Variants in ZNF552 observed in about 807,000 individuals in gnomAD.
ZNF552 encodes the protein zinc finger protein 552.
ZNF552 carries 2 observed loss-of-function variants against 7.2 expected under a neutral mutation model. That is an observed-to-expected ratio of 0.28 (90% CI 0.11 to 0.88). The LOEUF (loss-of-function observed/expected upper bound fraction) is 0.88. ZNF552 is among the 40% of genes least tolerant of loss of function. The probability of loss-of-function intolerance (pLI) is 0.60; values close to 1 mark genes in which losing one functional copy is unlikely to be tolerated. For missense variants in ZNF552, 421 were observed against 493.4 expected (o/e 0.85, Z 1.39); for synonymous variants, 173 against 176.5 (o/e 0.98, Z 0.16).
chr19:57,813,117 G>C, intron 2 of ZNF552, 177 bp downstream of exon 2: 1 of 1,037,282 alleles, frequency 9.6e-7, no homozygotes, highest in Non-Finnish European at 1.3e-6. Flanking sequence ...CTCAATAGCA[G>C]GTGTTGGGGC....
intron 2 of ZNF552, among the ~76,000 whole-genome samples, chr19:57,812,612 A>G (rs887597294): frequency 2.6e-5 from 4 of 152,230 alleles, no homozygotes; most frequent in African/African-American, 9.6e-5. Flanking sequence ...TCTGTTGCTC[A>G]GGCTGGAGCG....
intron 2 of ZNF552, 57 bp from the exon 3 acceptor site, chr19:57,809,160 C>T: frequency 6.3e-7 from 1 of 1,589,192 alleles, no homozygotes; most frequent in Non-Finnish European, 8.6e-7. Context: ...AAGGCACAGA[C>T]CACCCACAAG....
rs1284461228 is a variant in ZNF552 at position 57,808,096 on chromosome 19, TA to T, written c.1167del (p.Phe389LeufsTer35). 1 of 1,613,998 alleles carries T rather than the reference TA, an allele frequency of 6.2e-7. No homozygotes were observed. The highest frequency in any genetic ancestry group is 1.3e-5 in the African/African-American group (1 of 74,912). On this transcript the variant is annotated frameshift_variant, in exon 3 of 3. Coordinates refer to ENST00000391701, the MANE Select transcript of ZNF552 (RefSeq NM_024762.3). LOFTEE classifies it low-confidence loss of function (END_TRUNC). ...TGATGACGAAGTGAAGAGATTTGCC[TA>T]AATTTTTTTTCACATTCACTGCACC... ...PYGCSECEKK[F>X]RQISSLRHHQ...
At position 57,814,739 on chromosome 19, in the gene ZNF552, G is replaced by A. The variant is rs1215806709; in HGVS notation, c.5C>T (p.Ala2Val). The A allele has an allele frequency of 6.2e-7, 1 of 1,613,944 alleles. No individual in the cohort carries two copies. The highest frequency in any genetic ancestry group is 1.7e-5 in the Admixed American group (1 of 60,000). The change falls in exon 1 of 3, where the codon GCG (alanine) becomes GTG (valine). Residue 2 changes from alanine to valine, a missense_variant. This residue lies in a region of ZNF552 where 122 missense variants were observed against 199.7 expected (regional missense o/e 0.61). Transcript: ENST00000391701. ...AACGGGGAACCTTAGCGCGGCCGCCGCCATGGGACCACGTGGGGTAAGCTG... is the reference window on the plus strand; with the variant it reads ...AACGGGGAACCTTAGCGCGGCCGCCACCATGGGACCACGTGGGGTAAGCTG... M[A>V]AAALRFPVQG...
rs1987769223 is a variant in ZNF552 at position 57,807,750 on chromosome 19, CAT to C, written c.*288_*289del. The C allele has an allele frequency of 3.0e-6, 1 of 331,440 alleles. No homozygotes were observed. The highest frequency in any genetic ancestry group is 4.6e-5 in the Admixed American group (1 of 21,752). 20.5% of individuals were successfully genotyped at this position (331,440 alleles called of 1,614,324 possible). A position where few individuals can be genotyped will look rare whatever the true frequency, so the allele number is the denominator to read the frequency against. On this transcript the variant is annotated 3_prime_UTR_variant, in exon 3 of 3. Coordinates refer to ENST00000391701, the MANE Select transcript of ZNF552 (RefSeq NM_024762.3). The stretch of plus-strand genomic sequence containing the variant: ...ATCCTCCCATGTAGCAATCCTCCCA[CAT>C]GACAGCTCTCCTGTGAGTTATGCAG...
chr19:57,811,725 AAAAAAAAAAAAAAC>A (rs1987861367), intron 2 of ZNF552, among the ~76,000 whole-genome samples: 1 of 149,640 alleles, frequency 6.7e-6, no homozygotes, highest in African/African-American at 2.5e-5. Flanking sequence ...CAAAAAAAAA[AAAAAAAAAAAAAAC>A]AATGGAGAAG....
Position 57,808,932 on chromosome 19 carries a change from C to T in ZNF552, c.332G>A (p.Gly111Glu). ...GTGCAGTTTCTGCTTGTGATGTGTT[C>T]CCTGATGATCTGCCACATGCAAAAT... is the stretch of plus-strand genomic sequence containing the variant. ...GDILHVADHQ[G>E]THHKQKLHRC... Residue 111 changes from glycine to glutamate, a missense_variant, in exon 3 of 3, where the codon GGA (glycine) becomes GAA (glutamate). Coordinates refer to ENST00000391701, the MANE Select transcript of ZNF552 (RefSeq NM_024762.3). 1 of 1,607,440 alleles carries T rather than the reference C, an allele frequency of 6.2e-7. No homozygotes were observed. The highest frequency in any genetic ancestry group is 8.5e-7 in the Non-Finnish European group (1 of 1,175,790).
At chr19:57,811,593 C>T (rs1370542371) in intron 2 of ZNF552, among the ~76,000 whole-genome samples, 1 of 151,900 alleles carries the variant, frequency 6.6e-6, no homozygotes, top group Non-Finnish European at 1.5e-5. Context: ...TGGCACATGC[C>T]TGTAATCCCA....
In ZNF552 at chr19:57,808,787, CCT is replaced by C. The variant is rs1324067285; in HGVS notation, c.475_476del (p.Arg159ValfsTer2). ...ACTCCCCTGACACATGCAACTTACA[CCT>C]CTTCGCAAACAACGCCTCCTCAACA... The part of the protein sequence containing the change: ...GSVEEALFAK[R>X]CKLHVSGESS... On this transcript the variant is annotated frameshift_variant, in exon 3 of 3. Coordinates refer to ENST00000391701, the MANE Select transcript of ZNF552 (RefSeq NM_024762.3). LOFTEE classifies it low-confidence loss of function (END_TRUNC). 6.2e-7 allele frequency: 1 copy of C among 1,613,888 alleles called. No individual in the cohort carries two copies. The highest frequency in any genetic ancestry group is 8.5e-7 in the Non-Finnish European group (1 of 1,180,036).
At chr19:57,810,521 ATGCAGGACGTGCTTTGTTAAACAAG>A (rs1428738025) in intron 2 of ZNF552, among the ~76,000 whole-genome samples, 1 of 152,200 alleles carries the variant, frequency 6.6e-6, no homozygotes, top group Non-Finnish European at 1.5e-5. Context: ...ATTTTGGGCT[ATGCAGGACGTGCTTTGTTAAACAAG>A]TGCTTCAAGG....
Position 57,807,953 on chromosome 19 carries a change from G to T in ZNF552, c.*87C>A. ...AATATCCAAGGAGAGCAGACCTTTGGGTAAACATTTTCCACATTTGCTGCA... is the reference window on the plus strand; with the variant it reads ...AATATCCAAGGAGAGCAGACCTTTGTGTAAACATTTTCCACATTTGCTGCA... On this transcript the variant is annotated 3_prime_UTR_variant, in exon 3 of 3. Coordinates refer to ENST00000391701, the MANE Select transcript of ZNF552 (RefSeq NM_024762.3). 1 of 1,457,412 alleles carries T rather than the reference G, an allele frequency of 6.9e-7. No homozygotes were observed. The highest frequency in any genetic ancestry group is 1.4e-5 in the South Asian group (1 of 72,456). 90.3% of individuals were successfully genotyped at this position (1,457,412 alleles called of 1,614,324 possible).
intron 2 of ZNF552, 108 bp downstream of exon 2, chr19:57,813,185 AG>A: frequency 6.5e-7 from 1 of 1,538,442 alleles, no homozygotes; most frequent in Non-Finnish European, 8.8e-7. Flanking sequence ...CAAGAACTGA[AG>A]TAGGAAGCTG....
Position 57,809,936 on chromosome 19 carries a change from C to T in ZNF552, c.161-833G>A, listed in dbSNP as rs115655117. Reference sequence around the variant, plus strand: ...GAGATCAAGACCAGCCTGAGCAACACAGCAAAACCTCTCTACAAACATTAG... The same window carrying T: ...GAGATCAAGACCAGCCTGAGCAACATAGCAAAACCTCTCTACAAACATTAG... On this transcript the variant is annotated intron_variant, in intron 2 of 2. Coordinates refer to ENST00000391701, the MANE Select transcript of ZNF552 (RefSeq NM_024762.3). Among the ~76,000 whole-genome samples, 728 of 150,938 alleles carry T rather than the reference C, an allele frequency of 4.8e-3. 9 individuals carry two copies. Among genetic ancestry groups the T allele is most frequent in the African/African-American group, 0.017 (698 of 41,120 alleles).
At chr19:57,811,466 T>A (rs189964774) in intron 2 of ZNF552, among the ~76,000 whole-genome samples, 19 of 152,066 alleles carry the variant, frequency 1.2e-4, no homozygotes, top group Non-Finnish European at 2.1e-4. Flanking sequence ...CCAGCCCACT[T>A]TTCTTTCTCT....
chr19:57,807,780 A>C lies in ZNF552; in HGVS notation c.*260T>G. The C allele has an allele frequency of 2.3e-6, 1 of 433,616 alleles. No homozygotes were observed. The highest frequency in any genetic ancestry group is 4.6e-5 in the East Asian group (1 of 21,680). 26.9% of individuals were successfully genotyped at this position (433,616 alleles called of 1,614,324 possible). On this transcript the variant is annotated 3_prime_UTR_variant, in exon 3 of 3. Transcript: ENST00000391701. Reference sequence around the variant, plus strand: ...CAGCTCTCCTGTGAGTTATGCAGCCAGACTTCTGGATAAATATCCTGTATT... The same window carrying C: ...CAGCTCTCCTGTGAGTTATGCAGCCCGACTTCTGGATAAATATCCTGTATT...
chr19:57,811,166 T>C (rs551331890), intron 2 of ZNF552, among the ~76,000 whole-genome samples: 1 of 146,924 alleles, frequency 6.8e-6, no homozygotes, highest in South Asian at 2.2e-4. Context: ...CTTTTCTTTT[T>C]TTTTTTTATT....
At chr19:57,809,346 T>G (rs1600090652) in intron 2 of ZNF552, 1 of 783,098 alleles carries the variant, frequency 1.3e-6, no homozygotes, top group East Asian at 2.7e-5. Context: ...AGAGGCAGGG[T>G]CTACAATCCC....
chr19:57,814,583 C>A (rs999156879), intron 1 of ZNF552, 128 bp downstream of exon 1: 3 of 1,569,528 alleles, frequency 1.9e-6, no homozygotes, highest in Non-Finnish European at 2.6e-6. Flanking sequence ...GGGATCCCTC[C>A]CGAGAGCGCC....
At position 57,808,540 on chromosome 19, in the gene ZNF552, A is replaced by C; in HGVS notation, c.724T>G (p.Trp242Gly). ...RLLPTEEPSV[W>G]CECGKSSSKY... The stretch of plus-strand genomic sequence containing the variant: ...CTAGAGGATTTCCCACATTCACACC[A>C]CACAGAAGGTTCTTCTGTAGGGAGC... Residue 242 changes from tryptophan (W) to glycine (G), a missense_variant, in exon 3 of 3, where the codon TGG (tryptophan) becomes GGG (glycine). Around this residue, in one of 2 missense-constraint regions of ZNF552, gnomAD observed 299 missense variants for 293.7 expected, o/e 1.02. Coordinates refer to ENST00000391701, the MANE Select transcript of ZNF552 (RefSeq NM_024762.3). 1.2e-6 allele frequency: 2 copies of C among 1,614,142 alleles called. No individual in the cohort carries two copies. The highest frequency in any genetic ancestry group is 1.1e-5 in the South Asian group (1 of 91,072).
Sources: gnomAD v4.1 joint callset for allele counts (sites outside exome capture counted in the v4.1 genomes callset) on GRCh38, gnomAD v4.1.1 for gene constraint, gnomAD v4.1.1 regional missense constraint, MANE v1.5 for transcripts, NCBI Gene and HGNC (gene_info 2026-07-23, HGNC 2026-07-21) for gene names.